The following DCP2 variants were observed in gnomAD, a reference collection of about 807,000 sequenced individuals.
DCP2 encodes decapping mRNA 2.
Under a neutral mutation model 56.1 loss-of-function variants are expected in DCP2, and 30 were observed. The observed-to-expected ratio is 0.53, with a 90% CI of 0.40 to 0.73. The LOEUF is 0.73. DCP2 is among the 30% of genes least tolerant of loss of function. The pLI is 0.00. For missense variants in DCP2, 533 were observed against 502.7 expected (o/e 1.06, Z -0.58); for synonymous variants, 197 against 163.3 (o/e 1.21, Z -1.57).
In DCP2 at chr5:113,004,044, T is replaced by A; in HGVS notation, c.909T>A (p.Asn303Lys). 6.2e-7 allele frequency: 1 copy of A among 1,614,114 alleles called. No individual in the cohort carries two copies. The highest frequency in any genetic ancestry group is 1.3e-5 in the African/African-American group (1 of 75,066). Reference sequence around the variant, plus strand: ...CACTGCAGCAAAAGCCATATAATAATCATTCTGAAATGTCTGACCTTTTAA... The same window carrying A: ...CACTGCAGCAAAAGCCATATAATAAACATTCTGAAATGTCTGACCTTTTAA... ...RQPLQQKPYN[N>K]HSEMSDLLKG... Residue 303 changes from asparagine to lysine, a missense_variant, in exon 8 of 11, where the codon AAT becomes AAA. Physicochemically the swap from Asn to Lys is moderately conservative, Grantham distance 94 (BLOSUM62 0). Transcript: ENST00000389063.
chr5:113,007,116 G>A (rs1175461875), intron 8 of DCP2, among the ~76,000 whole-genome samples: 1 of 151,782 alleles, frequency 6.6e-6, no homozygotes, highest in Non-Finnish European at 1.5e-5. Context: ...GGGCAACAAA[G>A]TGAGACTCCA....
At chr5:112,994,600 A>G (rs146202038) in intron 4 of DCP2, among the ~76,000 whole-genome samples, 1 of 152,226 alleles carries the variant, frequency 6.6e-6, no homozygotes, top group African/African-American at 2.4e-5. Flanking sequence ...CTTGTGATGG[A>G]TTGTTTGCCG....
chr5:112,989,762 G>T (rs1748495550), intron 2 of DCP2, among the ~76,000 whole-genome samples: 1 of 152,164 alleles, frequency 6.6e-6, no homozygotes, highest in Non-Finnish European at 1.5e-5. Flanking sequence ...TATTTTTCAA[G>T]ACTGCTGTGA....
chr5:112,980,065 G>T (rs1407773503), intron 1 of DCP2, among the ~76,000 whole-genome samples: 1 of 152,196 alleles, frequency 6.6e-6, no homozygotes, highest in Non-Finnish European at 1.5e-5. Flanking sequence ...TAAAATGTAT[G>T]TGTAAAGGTG....
rs112970506 is a variant in DCP2, at chr5:113,012,523, A to G, written c.1100-798A>G. On this transcript the variant is annotated intron_variant, in intron 10 of 10. Coordinates refer to ENST00000389063, the MANE Select transcript of DCP2 (RefSeq NM_152624.6). ...ACCCCAGCCTCTTGATGTCTATTCC[A>G]AACCTACTTTCTGGTCAAGTCCCTG... Among the ~76,000 whole-genome samples the G allele has an allele frequency of 2.9e-3, 436 of 152,314 alleles. 2 individuals are homozygous for G. Among genetic ancestry groups the G allele is most frequent in the African/African-American group, 1.0e-2 (414 of 41,554 alleles).
At chr5:112,994,552 A>G (rs1210256172) in intron 4 of DCP2, among the ~76,000 whole-genome samples, 1 of 152,162 alleles carries the variant, frequency 6.6e-6, no homozygotes, top group Non-Finnish European at 1.5e-5. Flanking sequence ...GAACTTCAAT[A>G]GCAGTTATTG....
At chr5:112,987,620 C>CTTTTTTTTTTTTTTTTTTTTTTTT (rs562254738) in intron 2 of DCP2, among the ~76,000 whole-genome samples, 9 of 69,732 alleles carry the variant, frequency 1.3e-4, no homozygotes, top group South Asian at 7.1e-4. Flanking sequence ...ACCTAGGTGC[C>CTTTTTTTTTTTTTTTTTTTTTTTT]TTTTTTTTTT....
chr5:112,984,703 A>AAAAT, intron 1 of DCP2: 5 of 64,856 alleles, frequency 7.7e-5, no homozygotes, highest in East Asian at 9.7e-4. Context: ...AAAAAAAAAA[A>AAAAT]ATATATATAT....
At chr5:112,998,039 A>T (rs894208886) in intron 4 of DCP2, among the ~76,000 whole-genome samples, 1 of 152,254 alleles carries the variant, frequency 6.6e-6, no homozygotes, top group Non-Finnish European at 1.5e-5. Context: ...TTTGATTCAC[A>T]GGAGGTGTGG....
At chr5:113,008,578 A>T (rs931640858) in intron 9 of DCP2, among the ~76,000 whole-genome samples, 2 of 152,156 alleles carry the variant, frequency 1.3e-5, no homozygotes, top group Non-Finnish European at 2.9e-5. Context: ...TGATATTTGT[A>T]TATTAGGTTT....
intron 10 of DCP2, among the ~76,000 whole-genome samples, chr5:113,012,901 C>G (rs1264628672): frequency 2.0e-5 from 3 of 151,946 alleles, no homozygotes; most frequent in Non-Finnish European, 4.4e-5. Flanking sequence ...CTTGGCCTCC[C>G]AAAGTGCTGG....
In DCP2 at chr5:113,005,573, A is replaced by G. The variant is rs1580828018; in HGVS notation, c.942+1496A>G. On this transcript the variant is annotated intron_variant, in intron 8 of 10. Transcript: ENST00000389063. ...TGCTGATGGGAGTGTAAAATGGTGC[A>G]ACCGCTGTGGAAAAGAGTTTGGCAA... Among the ~76,000 whole-genome samples, 5 of 152,352 alleles carry G rather than the reference A, an allele frequency of 3.3e-5. No homozygotes were observed. In the South Asian group the frequency reaches 8.3e-4, roughly 25 times the overall value.
intron 1 of DCP2, 43 bp downstream of exon 1, chr5:112,977,029 TCA>T: frequency 6.9e-7 from 1 of 1,457,394 alleles, no homozygotes; most frequent in Non-Finnish European, 9.2e-7. Flanking sequence ...TCGGGTTTTC[TCA>T]GTTTCGCGGA....
At chr5:113,000,998 C>T (rs1749151833) in intron 4 of DCP2, 86 bp from the exon 5 acceptor site, 6 of 1,293,168 alleles carry the variant, frequency 4.6e-6, no homozygotes, top group Admixed American at 2.7e-5. Flanking sequence ...TCCCCTTTTT[C>T]TGAGTTTTTG....
At chr5:113,000,420 A>ACACACACACACCCCCACACCCC (rs112449298) in intron 4 of DCP2, among the ~76,000 whole-genome samples, 1 of 146,652 alleles carries the variant, frequency 6.8e-6, no homozygotes, top group African/African-American at 2.5e-5. Flanking sequence ...ACACACACAC[A>ACACACACACACCCCCACACCCC]CACACCCACA....
chr5:113,008,003 A>G lies in DCP2; in HGVS notation c.1008A>G (p.Thr336=). 1 of 1,614,098 alleles carries G rather than the reference A, an allele frequency of 6.2e-7. No homozygotes were observed. Among genetic ancestry groups the G allele is most frequent in the Non-Finnish European group, 8.5e-7 (1 of 1,179,964 alleles). The change falls in exon 9 of 11, where the codon ACA becomes ACG. Residue 336 remains threonine (T), a synonymous_variant. Coordinates refer to ENST00000389063, the MANE Select transcript of DCP2 (RefSeq NM_152624.6). ...ATTCACCTAATCAAAAGAAAAGAAC[A>G]AATGGGCTTCAGCCAGCAAAGCAGC... ...YQDSPNQKKR[T]NGLQPAKQQN... is the part of the protein sequence containing the mutation.
intron 9 of DCP2, among the ~76,000 whole-genome samples, chr5:113,008,828 T>C (rs967119865): frequency 6.6e-6 from 1 of 151,182 alleles, no homozygotes; most frequent in Non-Finnish European, 1.5e-5. Flanking sequence ...CAGCTGTTTT[T>C]AACAAAAACT....
At chr5:112,988,564 C>T (rs1040437620) in intron 2 of DCP2, among the ~76,000 whole-genome samples, 11 of 148,884 alleles carry the variant, frequency 7.4e-5, no homozygotes, top group African/African-American at 2.5e-4. Flanking sequence ...ACTTGACGTT[C>T]AGGGCAATAA....
intron 2 of DCP2, among the ~76,000 whole-genome samples, chr5:112,988,643 G>T (rs905407889): frequency 3.9e-5 from 6 of 152,214 alleles, no homozygotes; most frequent in African/African-American, 1.4e-4. Context: ...AGGAAGAAAT[G>T]ATCAAACCGT....
Sources: gnomAD v4.1 joint callset for allele counts (sites outside exome capture counted in the v4.1 genomes callset) on GRCh38, gnomAD v4.1.1 for gene constraint, MANE v1.5 for transcripts, NCBI Gene and HGNC (gene_info 2026-07-23, HGNC 2026-07-21) for gene names.